Variants in TRAPPC9 observed in about 807,000 individuals in gnomAD.
TRAPPC9 encodes IKK2 binding protein.
TRAPPC9 carries 83 observed loss-of-function variants against 124.0 expected under a neutral mutation model. That is an observed-to-expected ratio of 0.67 (90% CI 0.56 to 0.80). The LOEUF (loss-of-function observed/expected upper bound fraction) is 0.80. TRAPPC9 is among the 30% of genes least tolerant of loss of function. The probability of loss-of-function intolerance (pLI) is 0.00; values close to 1 mark genes in which losing one functional copy is unlikely to be tolerated. For synonymous variants in TRAPPC9, 638 were observed against 617.5 expected (o/e 1.03, Z -0.49); for missense variants, 1,302 against 1,508.3 (o/e 0.86, Z 2.27).
chr8:139,790,554 C>T (rs549144206), intron 21 of TRAPPC9, among the ~76,000 whole-genome samples: 2 of 152,270 alleles, frequency 1.3e-5, no homozygotes, highest in Admixed American at 1.3e-4. Context: ...GTGGTCCTGC[C>T]CCTGGGGAGA....
rs141146868 is a variant in TRAPPC9, at chr8:140,004,179, G to A, written c.2700-15343C>T. ...GAGAATAGATCAGTGTTGCCACAAC[G>A]GTGGGGCCGGGGAGATGCAGAGCAT... is the stretch of plus-strand genomic sequence containing the variant. On this transcript the variant is annotated intron_variant, in intron 18 of 22. Transcript: ENST00000438773. 6.0e-3 allele frequency among the ~76,000 whole-genome samples: 912 copies of A among 152,276 alleles called. 6 individuals carry two copies. The highest frequency in any genetic ancestry group is 0.018 in the African/African-American group (760 of 41,538).
At position 140,422,217 on chromosome 8, in the gene TRAPPC9, CCT is replaced by C. The variant is rs1398498715; in HGVS notation, c.886+4396_886+4397del. Among the ~76,000 whole-genome samples the C allele has an allele frequency of 5.3e-3, 804 of 152,146 alleles. 6 individuals are homozygous for C. The highest frequency in any genetic ancestry group is 0.034 in the Middle Eastern group (10 of 294). ...TTATAGACTAGGGATAACAACAGTA[CCT>C]GTCTCCTAGAATCGTGAAGATTAAA... is the stretch of plus-strand genomic sequence containing the variant. On this transcript the variant is annotated intron_variant, in intron 5 of 22. Coordinates refer to ENST00000438773, the MANE Select transcript of TRAPPC9 (RefSeq NM_001160372.4).
intron 9 of TRAPPC9, among the ~76,000 whole-genome samples, chr8:140,357,214 G>A (rs527277276): frequency 6.6e-6 from 1 of 152,290 alleles, no homozygotes; most frequent in East Asian, 1.9e-4. Flanking sequence ...TCAAGAGGAG[G>A]CCAGGCCCAA....
intron 6 of TRAPPC9, among the ~76,000 whole-genome samples, chr8:140,403,352 C>A (rs1022973719): frequency 3.3e-5 from 5 of 151,966 alleles, no homozygotes; most frequent in African/African-American, 4.8e-5. Flanking sequence ...TCACTTGAAT[C>A]CAGGAGGCGG....
intron 21 of TRAPPC9, among the ~76,000 whole-genome samples, chr8:139,846,465 C>T (rs28626773): frequency 0.27 from 41,075 of 152,136 alleles, 6,030 homozygotes; most frequent in East Asian, 0.64. Context: ...TCTGGCAGGA[C>T]GAGGTGAATT....
intron 17 of TRAPPC9, among the ~76,000 whole-genome samples, chr8:140,154,436 C>G (rs2061596954): frequency 6.6e-6 from 1 of 152,182 alleles, no homozygotes; most frequent in Non-Finnish European, 1.5e-5. Context: ...ATCTCATTGT[C>G]TTGCTCCTCC....
intron 17 of TRAPPC9, among the ~76,000 whole-genome samples, chr8:140,190,150 TATA>T (rs1270292201): frequency 3.0e-4 from 46 of 152,272 alleles, no homozygotes; most frequent in African/African-American, 1.1e-3. Flanking sequence ...AGAAAACGGC[TATA>T]ATAACAACCA....
rs555905019 is a variant in TRAPPC9, at chr8:140,165,267, G to C, written c.2556+56192C>G. On this transcript the variant is annotated intron_variant, in intron 17 of 22. Transcript: ENST00000438773. ...GAGGCAAGAGAATCGCTTGAACCCG[G>C]GAGGCAGAGGTTGCAGTGAGCCAAG... 2.2e-4 allele frequency among the ~76,000 whole-genome samples: 33 copies of C among 152,042 alleles called. 1 individual carries two copies. In the South Asian group the frequency reaches 5.2e-3, roughly 24 times the overall value.
At chr8:140,325,749 T>TTCCC (rs1436328343) in intron 9 of TRAPPC9, among the ~76,000 whole-genome samples, 18 of 152,342 alleles carry the variant, frequency 1.2e-4, no homozygotes, top group African/African-American at 4.3e-4. Context: ...ACTTCCCAAC[T>TTCCC]TGTGTTATGA....
intron 17 of TRAPPC9, among the ~76,000 whole-genome samples, chr8:140,128,366 C>G (rs2061136317): frequency 6.6e-6 from 1 of 152,238 alleles, no homozygotes; most frequent in South Asian, 2.1e-4. Context: ...TGGGAGATGG[C>G]TGGTGCTCAC....
At position 139,909,472 on chromosome 8, in the gene TRAPPC9, C is replaced by T. The variant is rs193118689; in HGVS notation, c.2964+675G>A. 4.3e-4 allele frequency among the ~76,000 whole-genome samples: 65 copies of T among 151,918 alleles called. No homozygotes were observed. The East Asian group carries it at 0.012, about 28-fold the overall frequency. On this transcript the variant is annotated intron_variant, in intron 20 of 22. Coordinates refer to ENST00000438773, the MANE Select transcript of TRAPPC9 (RefSeq NM_001160372.4). Reference sequence around the variant, plus strand: ...ACACATCCACTTCATACTAGACAAACAACTGCATGGAGACCTTGTCTTTGC... The same window carrying T: ...ACACATCCACTTCATACTAGACAAATAACTGCATGGAGACCTTGTCTTTGC...
chr8:139,893,162 T>C (rs1300485580), intron 20 of TRAPPC9, among the ~76,000 whole-genome samples: 2 of 152,226 alleles, frequency 1.3e-5, no homozygotes, highest in Admixed American at 1.3e-4. Context: ...CCCACAGCCC[T>C]GGCGAGATGC....
chr8:139,968,432 C>T (rs1337949907), intron 19 of TRAPPC9, among the ~76,000 whole-genome samples: 1 of 152,160 alleles, frequency 6.6e-6, no homozygotes, highest in Non-Finnish European at 1.5e-5. Flanking sequence ...CAAGACGACC[C>T]TGAAATATGG....
intron 19 of TRAPPC9, among the ~76,000 whole-genome samples, chr8:139,962,969 CA>C (rs1265521698): frequency 6.6e-6 from 1 of 152,192 alleles, no homozygotes; most frequent in African/African-American, 2.4e-5. Context: ...CTTACTCCTC[CA>C]TGTTCAGACC....
intron 9 of TRAPPC9, among the ~76,000 whole-genome samples, chr8:140,330,298 G>C (rs899017332): frequency 2.6e-5 from 4 of 152,074 alleles, no homozygotes; most frequent in African/African-American, 9.7e-5. Context: ...ACCTAGAAAG[G>C]CTGAAAAAGT....
At chr8:140,025,418 T>C (rs975667408) in intron 17 of TRAPPC9, among the ~76,000 whole-genome samples, 13 of 152,116 alleles carry the variant, frequency 8.5e-5, no homozygotes, top group Non-Finnish European at 5.9e-5. Context: ...AGAGACCATA[T>C]GCGGCTGGCA....
At chr8:139,921,291 G>A (rs1233073067) in intron 19 of TRAPPC9, among the ~76,000 whole-genome samples, 1 of 152,198 alleles carries the variant, frequency 6.6e-6, no homozygotes, top group African/African-American at 2.4e-5. Context: ...AGAAGCTTGG[G>A]ACAAATCACA....
intron 9 of TRAPPC9, among the ~76,000 whole-genome samples, chr8:140,326,449 G>A (rs947790678): frequency 6.6e-6 from 1 of 152,126 alleles, no homozygotes; most frequent in African/African-American, 2.4e-5. Context: ...CCCCCACCAT[G>A]ATCAAAGGAC....
At position 139,947,907 on chromosome 8, in the gene TRAPPC9, T is replaced by TATATATATATATAGAGAGAGAG; in HGVS notation, c.2811-37608_2811-37607insCTCTCTCTCTATATATATATAT. Among the ~76,000 whole-genome samples the TATATATATATATAGAGAGAGAG allele has an allele frequency of 1.3e-3, 80 of 60,320 alleles. 1 individual carries two copies. Among genetic ancestry groups the TATATATATATATAGAGAGAGAG allele is most frequent in the Admixed American group, 6.5e-3 (33 of 5,048 alleles). 39.6% of individuals were successfully genotyped at this position (60,320 alleles called of 152,430 possible). ...AGAAATATGTGTGTATATATATATA[T>TATATATATATATAGAGAGAGAG]AGAGAGAGAGAGAGAGCGAGAGAGA... On this transcript the variant is annotated intron_variant, in intron 19 of 22. Coordinates refer to ENST00000438773, the MANE Select transcript of TRAPPC9 (RefSeq NM_001160372.4).
Sources: allele counts gnomAD v4.1 joint callset (sites outside exome capture counted in the v4.1 genomes callset), GRCh38; gene constraint gnomAD v4.1.1; transcripts MANE v1.5; gene names NCBI Gene and HGNC (gene_info 2026-07-23, HGNC 2026-07-21).